Variants in AMD1 observed in about 807,000 individuals in gnomAD.
The protein encoded by AMD1 is adenosylmethionine decarboxylase 1.
AMD1 carries 11 observed loss-of-function variants against 40.2 expected under a neutral mutation model. That is an observed-to-expected ratio of 0.27 (90% CI 0.17 to 0.45). The LOEUF (loss-of-function observed/expected upper bound fraction) is 0.45. AMD1 is among the 20% of genes least tolerant of loss of function. The probability of loss-of-function intolerance (pLI) is 1.00; values close to 1 mark genes in which losing one functional copy is unlikely to be tolerated. For missense variants in AMD1, 257 were observed against 410.2 expected (o/e 0.63, Z 3.23); for synonymous variants, 121 against 130.8 (o/e 0.93, Z 0.51).
chr6:110,843,061 A>T, the AMD1 span, among the ~76,000 whole-genome samples: 1 of 151,946 alleles, frequency 6.6e-6, no homozygotes, highest in African/African-American at 2.4e-5. Flanking sequence ...TGTACCTGGG[A>T]GGTAGAGGTT....
chr6:110,841,054 C>A, the AMD1 span, among the ~76,000 whole-genome samples: 1 of 152,144 alleles, frequency 6.6e-6, no homozygotes, highest in Non-Finnish European at 1.5e-5. Flanking sequence ...ACTCTTATTG[C>A]CCAGGCTGGA....
chr6:110,825,735 T>G, the AMD1 span, among the ~76,000 whole-genome samples: 1 of 152,170 alleles, frequency 6.6e-6, no homozygotes, highest in South Asian at 2.1e-4. Flanking sequence ...AAACATTGAT[T>G]AAAAGTCTGA....
At chr6:110,818,246 T>G in the AMD1 span, among the ~76,000 whole-genome samples, 1 of 152,116 alleles carries the variant, frequency 6.6e-6, no homozygotes, top group Non-Finnish European at 1.5e-5. Context: ...TTGCCCTGAA[T>G]GTACACTCCA....
chr6:110,840,431 T>C, the AMD1 span, among the ~76,000 whole-genome samples: 1 of 152,076 alleles, frequency 6.6e-6, no homozygotes, highest in Non-Finnish European at 1.5e-5. Flanking sequence ...AACAACCCAC[T>C]CTTTGGGTTC....
the AMD1 span, among the ~76,000 whole-genome samples, chr6:110,817,452 T>A: frequency 6.6e-6 from 1 of 152,090 alleles, no homozygotes. Context: ...TTATTAAAAA[T>A]GCAAAAATTA....
At chr6:110,827,387 C>T in the AMD1 span, among the ~76,000 whole-genome samples, 2 of 151,752 alleles carry the variant, frequency 1.3e-5, no homozygotes, top group Admixed American at 1.3e-4. Flanking sequence ...AAGCAATCCT[C>T]CCACCTCAGC....
the AMD1 span, among the ~76,000 whole-genome samples, chr6:110,842,798 C>A: frequency 6.6e-6 from 1 of 152,030 alleles, no homozygotes; most frequent in Non-Finnish European, 1.5e-5. Flanking sequence ...CAACCTAGAC[C>A]TCAAACAATT....
chr6:110,833,354 TG>T, the AMD1 span, among the ~76,000 whole-genome samples: 2 of 152,136 alleles, frequency 1.3e-5, no homozygotes, highest in African/African-American at 4.8e-5. Context: ...CTAGTTTTGA[TG>T]ATGCAAATAC....
intron 1 of AMD1, among the ~76,000 whole-genome samples, chr6:110,882,059 G>A (rs77120179): frequency 6.6e-6 from 1 of 152,178 alleles, no homozygotes; most frequent in African/African-American, 2.4e-5. Context: ...GTCTCAGTTT[G>A]TAGTGTACTT....
chr6:110,864,862 C>G, the AMD1 span, among the ~76,000 whole-genome samples: 4 of 152,170 alleles, frequency 2.6e-5, no homozygotes, highest in South Asian at 6.2e-4. Context: ...ACACAGATAC[C>G]TTTGTTACTT....
chr6:110,840,872 C>T, the AMD1 span, among the ~76,000 whole-genome samples: 5 of 152,134 alleles, frequency 3.3e-5, no homozygotes, highest in Non-Finnish European at 1.5e-5. Flanking sequence ...AAAACTATAA[C>T]AAGGAATATG....
rs1470541573 is a variant in AMD1 at position 110,892,151 on chromosome 6, C to T, written c.428-10C>T. Reference sequence around the variant, plus strand: ...TGTTATATTTATTTTGCGTTCTCTTCCCTCAACAGATGGAGCAGCATATTG... The same window carrying T: ...TGTTATATTTATTTTGCGTTCTCTTTCCTCAACAGATGGAGCAGCATATTG... On this transcript the variant is annotated splice_polypyrimidine_tract_variant and intron_variant, in intron 4 of 8. Coordinates refer to ENST00000368885, the MANE Select transcript of AMD1 (RefSeq NM_001634.6). 1 of 1,613,350 alleles carries T rather than the reference C, an allele frequency of 6.2e-7. No homozygotes were observed. Among genetic ancestry groups the T allele is most frequent in the Non-Finnish European group, 8.5e-7 (1 of 1,179,976 alleles).
At chr6:110,818,763 C>G in the AMD1 span, among the ~76,000 whole-genome samples, 2,071 of 152,286 alleles carry the variant, frequency 0.014, 58 homozygotes, top group African/African-American at 0.047. Flanking sequence ...GTCTTGAACT[C>G]CTGGCATCAA....
chr6:110,869,497 TAC>T, the AMD1 span, among the ~76,000 whole-genome samples: 1 of 134,598 alleles, frequency 7.4e-6, no homozygotes, highest in Non-Finnish European at 1.5e-5. Flanking sequence ...CATGATGTTT[TAC>T]AGTTTCTTTT....
chr6:110,877,805 C>G (rs1785196049), intron 1 of AMD1, among the ~76,000 whole-genome samples: 1 of 152,116 alleles, frequency 6.6e-6, no homozygotes, highest in Admixed American at 6.5e-5. Flanking sequence ...ACCTCCTGGG[C>G]TCTATTAAGA....
intron 1 of AMD1, among the ~76,000 whole-genome samples, chr6:110,884,740 A>C (rs1785595365): frequency 6.6e-6 from 1 of 152,164 alleles, no homozygotes; most frequent in African/African-American, 2.4e-5. Flanking sequence ...AAACAAAAAT[A>C]AGAAAGGAAA....
At chr6:110,821,752 A>G in the AMD1 span, among the ~76,000 whole-genome samples, 1 of 152,242 alleles carries the variant, frequency 6.6e-6, no homozygotes, top group African/African-American at 2.4e-5. Flanking sequence ...ATAAAATAAA[A>G]TTATTTGAAA....
At chr6:110,831,175 C>A in the AMD1 span, among the ~76,000 whole-genome samples, 1 of 151,874 alleles carries the variant, frequency 6.6e-6, no homozygotes, top group African/African-American at 2.4e-5. Flanking sequence ...TGCAGTGGTT[C>A]ACGCCTGTAA....
At chr6:110,832,518 C>T in the AMD1 span, among the ~76,000 whole-genome samples, 1 of 152,198 alleles carries the variant, frequency 6.6e-6, no homozygotes, top group African/African-American at 2.4e-5. Context: ...TGTGCCAACT[C>T]TGATAGCCCC....
Sources: allele counts gnomAD v4.1 joint callset (sites outside exome capture counted in the v4.1 genomes callset), GRCh38; gene constraint gnomAD v4.1.1; transcripts MANE v1.5; gene names NCBI Gene and HGNC (gene_info 2026-07-23, HGNC 2026-07-21).